The following PRKDC variants were observed in gnomAD, a reference collection of about 807,000 sequenced individuals.
PRKDC encodes the protein DNA-dependent protein kinase catalytic subunit.
PRKDC carries 82 observed loss-of-function variants against 486.9 expected under a neutral mutation model. That is an observed-to-expected ratio of 0.17 (90% confidence interval 0.14 to 0.20). The LOEUF is 0.20. Among genes scored for constraint, PRKDC ranks in the 10% least tolerant of loss-of-function variants. The pLI is 1.00. For synonymous variants in PRKDC, 1,895 were observed against 1,837.0 expected (o/e 1.03, Z -0.81); for missense variants, 4,504 against 5,038.2 (o/e 0.89, Z 3.21).
rs752753657 is a variant in PRKDC, at chr8:47,777,873, A to C, written c.11855T>G (p.Phe3952Cys). 1 of 1,613,642 alleles carries C rather than the reference A, an allele frequency of 6.2e-7. No individual in the cohort carries two copies. Among genetic ancestry groups the C allele is most frequent in the Non-Finnish European group, 8.5e-7 (1 of 1,179,670 alleles). The change falls in exon 84 of 86, where the codon TTT becomes TGT. Residue 3952 changes from phenylalanine (F) to cysteine (C), a missense_variant and splice_region_variant. Physicochemically the swap from Phe to Cys is radical, Grantham distance 205. Coordinates refer to ENST00000314191, the MANE Select transcript of PRKDC (RefSeq NM_006904.7). ...FGHAFGSATQ[F>C]LPVPELMPFR... ...AGGCATCAACTCAGGGACTGGCAGA[A>C]ACTAAACAAGAAAAAAGGCAAGGAG... is the stretch of plus-strand genomic sequence containing the variant.
At chr8:47,834,828 C>T (rs1337577076) in intron 58 of PRKDC, among the ~76,000 whole-genome samples, 1 of 151,534 alleles carries the variant, frequency 6.6e-6, no homozygotes, top group Non-Finnish European at 1.5e-5. Flanking sequence ...GTAGCTGGGA[C>T]TACAGGCGCC....
intron 54 of PRKDC, 70 bp downstream of exon 54, chr8:47,849,084 T>C: frequency 1.3e-6 from 2 of 1,543,434 alleles, no homozygotes; most frequent in South Asian, 2.4e-5. Flanking sequence ...CTTCTTGAGT[T>C]GGAGACGTCT....
intron 49 of PRKDC, 70 bp downstream of exon 49, chr8:47,857,086 A>G (rs1445896250): frequency 1.4e-6 from 2 of 1,457,914 alleles, no homozygotes; most frequent in South Asian, 1.5e-5. Flanking sequence ...GACCTGAATT[A>G]TGTGTCATAG....
Position 47,900,449 on chromosome 8 carries a change from C to G in PRKDC, c.3288G>C (p.Val1096=), listed in dbSNP as rs761041422. Residue 1096 remains valine, a synonymous_variant, in exon 28 of 86, where the codon GTG becomes GTC. Coordinates refer to ENST00000314191, the MANE Select transcript of PRKDC (RefSeq NM_006904.7). The stretch of plus-strand genomic sequence containing the variant: ...CCAAGGCTTCAAACACAAACTGTTC[C>G]ACCAGAGACTCTTCTTCCCTGTAAA... ...YREFREEESL[V]EQFVFEALVI... is the part of the protein sequence containing the mutation. The G allele has an allele frequency of 6.2e-7, 1 of 1,609,626 alleles. No homozygotes were observed. The highest frequency in any genetic ancestry group is 1.1e-5 in the South Asian group (1 of 89,792).
intron 19 of PRKDC, among the ~76,000 whole-genome samples, chr8:47,928,554 TA>T (rs2090193552): frequency 1.3e-5 from 2 of 151,734 alleles, no homozygotes; most frequent in African/African-American, 4.8e-5. Flanking sequence ...TTTATTTATT[TA>T]TTTATTTTTT....
In PRKDC at chr8:47,799,254, T is replaced by C. The variant is rs769538332; in HGVS notation, c.10253A>G (p.Asp3418Gly). 3 of 1,613,778 alleles carry C rather than the reference T, an allele frequency of 1.9e-6. No individual in the cohort carries two copies. The highest frequency in any genetic ancestry group is 2.5e-6 in the Non-Finnish European group (3 of 1,179,900). Reference sequence around the variant, plus strand: ...CTTGCGCAGCTGTTGGTCACAGAAATCTGCCAGCGTCATGTAAGCATCAAT... The same window carrying C: ...CTTGCGCAGCTGTTGGTCACAGAAACCTGCCAGCGTCATGTAAGCATCAAT... ...GVIDAYMTLA[D>G]FCDQQLRKEE... Residue 3418 changes from aspartate to glycine, a missense_variant, in exon 72 of 86, where the codon GAT (aspartate) becomes GGT (glycine). Transcript: ENST00000314191.
chr8:47,848,125 T>C (rs189341205), intron 54 of PRKDC, among the ~76,000 whole-genome samples: 1 of 152,288 alleles, frequency 6.6e-6, no homozygotes, highest in Non-Finnish European at 1.5e-5. Context: ...GATCCAGCAA[T>C]CCCATTACTG....
At position 47,943,892 on chromosome 8, in the gene PRKDC, G is replaced by A. The variant is rs928360700; in HGVS notation, c.778-9C>T. On this transcript the variant is annotated splice_polypyrimidine_tract_variant and intron_variant, in intron 8 of 85. Transcript: ENST00000314191. ...TATCTCTTCAGATCAATCTATTTTAGAAAAGAAAAATTCACCATCAGTATT... is the reference window on the plus strand; with the variant it reads ...TATCTCTTCAGATCAATCTATTTTAAAAAAGAAAAATTCACCATCAGTATT... 3 of 1,590,896 alleles carry A rather than the reference G, an allele frequency of 1.9e-6. No individual in the cohort carries two copies. The highest frequency in any genetic ancestry group is 2.7e-5 in the African/African-American group (2 of 74,186).
intron 64 of PRKDC, among the ~76,000 whole-genome samples, chr8:47,822,413 C>T (rs934128426): frequency 3.3e-5 from 5 of 152,182 alleles, no homozygotes; most frequent in Middle Eastern, 3.4e-3. Flanking sequence ...TACATCTCTA[C>T]TGGGGGTTAT....
intron 64 of PRKDC, among the ~76,000 whole-genome samples, chr8:47,822,466 C>T (rs2154499059): frequency 6.6e-6 from 1 of 152,256 alleles, no homozygotes; most frequent in East Asian, 1.9e-4. Flanking sequence ...GAATACAGGA[C>T]ATTTGTAGAA....
chr8:47,806,580 G>A (rs1334651510), intron 69 of PRKDC, among the ~76,000 whole-genome samples: 1 of 152,166 alleles, frequency 6.6e-6, no homozygotes, highest in Admixed American at 6.5e-5. Flanking sequence ...GCAAGCTTCT[G>A]TAGTATGTTT....
At chr8:47,833,610 C>T (rs2087939271) in intron 59 of PRKDC, among the ~76,000 whole-genome samples, 1 of 152,114 alleles carries the variant, frequency 6.6e-6, no homozygotes, top group South Asian at 2.1e-4. Context: ...CGGTGCGTTA[C>T]AAGGCTGCTT....
intron 34 of PRKDC, among the ~76,000 whole-genome samples, chr8:47,888,212 G>A (rs542982641): frequency 6.6e-6 from 1 of 152,236 alleles, no homozygotes; most frequent in East Asian, 1.9e-4. Flanking sequence ...CTTCATTTGT[G>A]TTGTCTTGCC....
At chr8:47,831,147 G>T (rs535674748) in intron 60 of PRKDC, among the ~76,000 whole-genome samples, 1 of 152,138 alleles carries the variant, frequency 6.6e-6, no homozygotes, top group Admixed American at 6.5e-5. Flanking sequence ...CCCCTCCGAG[G>T]GGGCAAAACA....
At chr8:47,953,949 C>T in intron 5 of PRKDC, 30 bp from the exon 6 acceptor site, 1 of 1,287,230 alleles carries the variant, frequency 7.8e-7, no homozygotes, top group Non-Finnish European at 1.1e-6. Context: ...CAAGTGAAGG[C>T]CTCAAACTAC....
chr8:47,794,305 T>G lies in PRKDC; in HGVS notation c.10655A>C (p.Lys3552Thr). The G allele has an allele frequency of 6.2e-7, 1 of 1,611,946 alleles. No individual in the cohort carries two copies. Among genetic ancestry groups the G allele is most frequent in the Admixed American group, 1.7e-5 (1 of 59,734 alleles). ...FKDTSTGHKN[K>T]EFVARIKSKL... ...TATTACCTACCTTGCCACAAACTCC[T>G]TATTCTTATGACCAGTAGAAGTATC... is the stretch of plus-strand genomic sequence containing the variant. Residue 3552 changes from lysine (K) to threonine (T), a missense_variant, in exon 74 of 86, where the codon AAG becomes ACG. By Grantham distance (78) the Lys-to-Thr change is moderately conservative (BLOSUM62 -1). This residue lies in a region of PRKDC where 706 missense variants were observed against 945.0 expected (regional missense o/e 0.75). Coordinates refer to ENST00000314191, the MANE Select transcript of PRKDC (RefSeq NM_006904.7).
In PRKDC at chr8:47,859,755, A is replaced by G. The variant is rs574690962; in HGVS notation, c.6063T>C (p.Gly2021=). Residue 2021 remains glycine, a synonymous_variant, in exon 46 of 86, where the codon GGT becomes GGC. Coordinates refer to ENST00000314191, the MANE Select transcript of PRKDC (RefSeq NM_006904.7). ...AREAANGDSD[G]PSYMSSLSYL... ...ATGACAGGGAAGACATATAGGAAGG[A>G]CCATCTGAAATATAAAAAAGGAGAA... is the stretch of plus-strand genomic sequence containing the variant. 56 of 1,609,320 alleles carry G rather than the reference A, an allele frequency of 3.5e-5. No individual in the cohort carries two copies. The South Asian group carries it at 5.5e-4, about 16-fold the overall frequency.
chr8:47,932,023 T>C (rs1287850136), intron 16 of PRKDC, among the ~76,000 whole-genome samples: 5 of 152,074 alleles, frequency 3.3e-5, no homozygotes, highest in Non-Finnish European at 5.9e-5. Context: ...CCTGAGTACC[T>C]GGGATTACAG....
chr8:47,778,552 A>G lies in PRKDC; in HGVS notation c.11760T>C (p.Ile3920=), dbSNP rs2086645367. Residue 3920 remains isoleucine (I), a synonymous_variant, in exon 83 of 86, where the codon ATT becomes ATC. Transcript: ENST00000314191. ...LICISHWILG[I]GDRHLNNFMV... ...TAAAGTTGTTCAGATGTCTGTCTCC[A>G]ATCCCGAGGATCCAGTGGCTGATGC... The G allele has an allele frequency of 6.2e-7, 1 of 1,613,744 alleles. No homozygotes were observed. Among genetic ancestry groups the G allele is most frequent in the Admixed American group, 1.7e-5 (1 of 59,978 alleles).
Sources: allele counts gnomAD v4.1 joint callset (sites outside exome capture counted in the v4.1 genomes callset), GRCh38; gene constraint gnomAD v4.1.1; regional missense constraint gnomAD v4.1.1; transcripts MANE v1.5; gene names NCBI Gene and HGNC (gene_info 2026-07-23, HGNC 2026-07-21).